The following HMGA1 variants were observed in gnomAD, a reference collection of about 807,000 sequenced individuals.
The protein encoded by HMGA1 is high mobility group AT-hook 1.
In HMGA1, 1 loss-of-function variant was observed where a neutral mutation model predicts 15.1. That is an observed-to-expected ratio of 0.07 (90% CI 0.02 to 0.31). HMGA1 has a LOEUF of 0.31. Among genes scored for constraint, HMGA1 ranks in the 10% least tolerant of loss-of-function variants. The probability of loss-of-function intolerance (pLI) is 1.00; values close to 1 mark genes in which losing one functional copy is unlikely to be tolerated. For missense variants in HMGA1, 94 were observed against 141.4 expected (o/e 0.66, Z 1.70); for synonymous variants, 56 against 54.8 (o/e 1.02, Z -0.10).
At position 34,245,149 on chromosome 6, in the gene HMGA1, C is replaced by T. The variant is rs539441976; in HGVS notation, c.*265C>T. The T allele has an allele frequency of 2.0e-6, 3 of 1,476,442 alleles. No homozygotes were observed. Among genetic ancestry groups the T allele is most frequent in the South Asian group, 2.4e-5 (2 of 82,622 alleles). The allele number at this position is 1,476,442 out of a possible 1,614,324, so 91.5% of individuals were successfully genotyped here. ...CCGCCCACCCACGCATACACACATG[C>T]CCTCCTGGACAAGGCTAACATCCCA... On this transcript the variant is annotated 3_prime_UTR_variant, in exon 6 of 6. Coordinates refer to ENST00000311487, the MANE Select transcript of HMGA1 (RefSeq NM_145899.3).
At chr6:34,237,678 C>T (rs1460022676) in intron 2 of HMGA1, among the ~76,000 whole-genome samples, 3 of 98,766 alleles carry the variant, frequency 3.0e-5, no homozygotes, top group Admixed American at 2.8e-4. Context: ...CGGCCGCTCC[C>T]GCTGGAGCCG....
chr6:34,237,649 C>T (rs1305414028), intron 2 of HMGA1, among the ~76,000 whole-genome samples: 4 of 147,628 alleles, frequency 2.7e-5, no homozygotes, highest in African/African-American at 7.4e-5. Flanking sequence ...CCCGGAGGAG[C>T]CCGGCGCACC....
At chr6:34,238,254 T>G (rs1279597102) in intron 2 of HMGA1, among the ~76,000 whole-genome samples, 1 of 151,330 alleles carries the variant, frequency 6.6e-6, no homozygotes. Context: ...CCTGCGCCCC[T>G]CCCCCCGCGC....
In HMGA1 at chr6:34,241,823, C is replaced by G. The variant is rs548032696; in HGVS notation, c.136-889C>G. The stretch of plus-strand genomic sequence containing the variant: ...TGTTCACCTGCAGGTTTTCCCTGTC[C>G]GTACGGTGGAGAGTGGTCTGTGCTG... On this transcript the variant is annotated intron_variant, in intron 3 of 5. Transcript: ENST00000311487. 3.3e-5 allele frequency among the ~76,000 whole-genome samples: 5 copies of G among 152,326 alleles called. No individual in the cohort carries two copies. The East Asian group carries it at 7.7e-4, about 23-fold the overall frequency.
chr6:34,242,855 C>T, intron 4 of HMGA1, 60 bp downstream of exon 4: 2 of 1,264,316 alleles, frequency 1.6e-6, no homozygotes, highest in Non-Finnish European at 2.3e-6. Context: ...CTCTTGTTGG[C>T]ACCATGGCCA....
At chr6:34,240,151 G>A (rs1762180895) in intron 2 of HMGA1, among the ~76,000 whole-genome samples, 1 of 152,186 alleles carries the variant, frequency 6.6e-6, no homozygotes. Flanking sequence ...AAGAGAGCTG[G>A]TGGTGGGCAC....
rs1581819711 is a variant in HMGA1 at position 34,245,776 on chromosome 6, C to T, written c.*892C>T. Reference sequence around the variant, plus strand: ...AATAACAAGGAGCTCACCCTGCCCGCTCCCAACCCCCCTCCTGCTCCTCCC... The same window carrying T: ...AATAACAAGGAGCTCACCCTGCCCGTTCCCAACCCCCCTCCTGCTCCTCCC... On this transcript the variant is annotated 3_prime_UTR_variant, in exon 6 of 6. Transcript: ENST00000311487. The T allele has an allele frequency of 2.2e-6, 1 of 451,574 alleles. No individual in the cohort carries two copies. Among genetic ancestry groups the T allele is most frequent in the Non-Finnish European group, 4.1e-6 (1 of 242,792 alleles). The allele number at this position is 451,574 out of a possible 1,614,324, so 28.0% of individuals were successfully genotyped here.
At chr6:34,237,712 C>T (rs1358883430) in intron 2 of HMGA1, among the ~76,000 whole-genome samples, 2 of 150,980 alleles carry the variant, frequency 1.3e-5, no homozygotes, top group South Asian at 4.2e-4. Context: ...AGCCCGGGCC[C>T]GGGTGAGGGG....
chr6:34,244,871 A>G lies in HMGA1; in HGVS notation c.311A>G (p.Glu104Gly), dbSNP rs1223816814. The G allele has an allele frequency of 6.4e-7, 1 of 1,563,286 alleles. No homozygotes were observed. Among genetic ancestry groups the G allele is most frequent in the East Asian group, 2.4e-5 (1 of 42,494 alleles). Reference protein sequence around the residue: ...EEEGISQESSEEEQ With the variant: ...EEEGISQESSGEEQ ...GAGGGCATCTCGCAGGAGTCCTCGGAGGAGGAGCAGTGACCCATGCGTGCC... is the reference window on the plus strand; with the variant it reads ...GAGGGCATCTCGCAGGAGTCCTCGGGGGAGGAGCAGTGACCCATGCGTGCC... The change falls in exon 6 of 6, where the codon GAG becomes GGG. Residue 104 changes from glutamate to glycine, a missense_variant. By Grantham distance (98) the Glu-to-Gly change is moderately conservative (BLOSUM62 -2). Coordinates refer to ENST00000311487, the MANE Select transcript of HMGA1 (RefSeq NM_145899.3).
rs960838664 is a variant in HMGA1 at position 34,243,605 on chromosome 6, C to T, written c.270+87C>T. The T allele has an allele frequency of 1.4e-5, 15 of 1,097,950 alleles. No homozygotes were observed. The African/African-American group carries it at 1.7e-4, about 13-fold the overall frequency. The allele number at this position is 1,097,950 out of a possible 1,614,324, so 68.0% of individuals were successfully genotyped here. ...ACACAGTACCTGATGCTATGCACCC[C>T]CTATGGAAAGGCTCTCCTTGACCTG... On this transcript the variant is annotated intron_variant, in intron 5 of 5. Coordinates refer to ENST00000311487, the MANE Select transcript of HMGA1 (RefSeq NM_145899.3).
At chr6:34,241,081 A>G (rs1393423225) in intron 3 of HMGA1, among the ~76,000 whole-genome samples, 166 bp downstream of exon 3, 1 of 152,100 alleles carries the variant, frequency 6.6e-6, no homozygotes, top group Non-Finnish European at 1.5e-5. Flanking sequence ...CCCACTTGCA[A>G]CCCTGGTCAG....
chr6:34,237,558 G>T (rs1219543403), intron 2 of HMGA1, among the ~76,000 whole-genome samples: 1 of 145,726 alleles, frequency 6.9e-6, no homozygotes, highest in African/African-American at 2.5e-5. Flanking sequence ...GCGCCCTGCG[G>T]GGGGCGGGGA....
chr6:34,242,159 CTG>C (rs1462797218), intron 3 of HMGA1, among the ~76,000 whole-genome samples: 1 of 152,156 alleles, frequency 6.6e-6, no homozygotes, highest in Non-Finnish European at 1.5e-5. Flanking sequence ...GCAGGGATCT[CTG>C]GAGTCCGGCT....
chr6:34,243,415 G>C, intron 4 of HMGA1, 53 bp from the exon 5 acceptor site: 1 of 1,405,934 alleles, frequency 7.1e-7, no homozygotes, highest in Non-Finnish European at 1.0e-6. Flanking sequence ...TGGGCATCGG[G>C]TGAGCACTGA....
intron 5 of HMGA1, 59 bp from the exon 6 acceptor site, chr6:34,244,772 C>T: frequency 6.9e-7 from 1 of 1,453,058 alleles, no homozygotes; most frequent in Non-Finnish European, 9.5e-7. Context: ...GGGCCAGCCT[C>T]TGGGGGTGGA....
chr6:34,238,801 A>T (rs1001055916), intron 2 of HMGA1: 1 of 151,974 alleles, frequency 6.6e-6, no homozygotes, highest in Non-Finnish European at 1.5e-5. Flanking sequence ...GGTCCCCAGC[A>T]GCAAGAGGTG....
At chr6:34,244,175 G>T (rs1016124632) in intron 5 of HMGA1, among the ~76,000 whole-genome samples, 13 of 151,820 alleles carry the variant, frequency 8.6e-5, no homozygotes, top group South Asian at 2.1e-4. Flanking sequence ...CTGCTGGGGT[G>T]GGGGGGTTAG....
At chr6:34,244,365 C>T (rs1762548039) in intron 5 of HMGA1, among the ~76,000 whole-genome samples, 2 of 152,212 alleles carry the variant, frequency 1.3e-5, no homozygotes, top group African/African-American at 4.8e-5. Context: ...CCCTCGGCCA[C>T]CCCGGAGGGC....
rs1350595760 is a variant in HMGA1, at chr6:34,245,370, G to A, written c.*486G>A. On this transcript the variant is annotated 3_prime_UTR_variant, in exon 6 of 6. Transcript: ENST00000311487. Reference sequence around the variant, plus strand: ...TCATCCTGGCACGCCCTACTCCACTGCCCTGGCAGCAGCAGGTGTGGCCAA... The same window carrying A: ...TCATCCTGGCACGCCCTACTCCACTACCCTGGCAGCAGCAGGTGTGGCCAA... 5.9e-6 allele frequency: 8 copies of A among 1,356,732 alleles called. No individual in the cohort carries two copies. Among genetic ancestry groups the A allele is most frequent in the Non-Finnish European group, 5.8e-6 (6 of 1,031,182 alleles). The allele number at this position is 1,356,732 out of a possible 1,614,324, so 84.0% of individuals were successfully genotyped here.
Sources: allele counts gnomAD v4.1 joint callset (sites outside exome capture counted in the v4.1 genomes callset), GRCh38; gene constraint gnomAD v4.1.1; transcripts MANE v1.5; gene names NCBI Gene and HGNC (gene_info 2026-07-23, HGNC 2026-07-21).